ECM2: variants seen among roughly 807,000 people sequenced by gnomAD.
The protein encoded by ECM2 is extracellular matrix protein 2.
In ECM2, 57 loss-of-function variants were observed where a neutral mutation model predicts 67.5. That is an observed-to-expected ratio of 0.84 (90% CI 0.68 to 1.05). ECM2 has a LOEUF of 1.05. ECM2 is among the 50% of genes least tolerant of loss of function. The pLI is 0.00. For synonymous variants in ECM2, 258 were observed against 294.5 expected (o/e 0.88, Z 1.27); for missense variants, 741 against 822.8 (o/e 0.90, Z 1.22).
intron 1 of ECM2, among the ~76,000 whole-genome samples, chr9:92,524,703 C>T (rs908291914): frequency 3.3e-5 from 5 of 152,146 alleles, no homozygotes; most frequent in African/African-American, 4.8e-5. Flanking sequence ...AAACTAAAAC[C>T]CCAGGGATCA....
upstream of ECM2, among the ~76,000 whole-genome samples, chr9:92,538,719 C>T (rs1173760389): frequency 1.3e-5 from 2 of 152,154 alleles, no homozygotes; most frequent in African/African-American, 4.8e-5. Flanking sequence ...CTCCTACCCC[C>T]TTTATTATTG....
rs773334568 is a variant in ECM2, at chr9:92,517,817, C to T, written c.351G>A (p.Ser117=). The T allele has an allele frequency of 8.8e-5, 142 of 1,614,024 alleles. No individual in the cohort carries two copies. The highest frequency in any genetic ancestry group is 1.2e-4 in the Non-Finnish European group (137 of 1,180,036). The change falls in exon 3 of 10, where the codon TCG becomes TCA. Residue 117 remains serine (S), a synonymous_variant. Coordinates refer to ENST00000344604, the MANE Select transcript of ECM2 (RefSeq NM_001393.4). ...AGAGGCAGGTAGTGCAGGGCTCAGG[C>T]GACCACACAGCTTTGTTGTACATGG... ...GITMYNKAVW[S]PEPCTTCLCS... is the part of the protein sequence containing the mutation.
In ECM2 at chr9:92,514,721, G is replaced by A; in HGVS notation, c.964C>T (p.Leu322=). 6.2e-7 allele frequency: 1 copy of A among 1,607,866 alleles called. No homozygotes were observed. The highest frequency in any genetic ancestry group is 1.3e-5 in the African/African-American group (1 of 75,010). Residue 322 remains leucine, a synonymous_variant, in exon 4 of 10, where the codon CTG becomes TTG. Transcript: ENST00000344604. ...GTLRLPSGCS[L]SYRTISCINA... ...ATGCAGCTGATGGTCCTGTAGGACA[G>A]AGAGCACCCGCTTGGCAGGCGCAGT...
At chr9:92,498,876 T>G (rs142996290) in intron 9 of ECM2, among the ~76,000 whole-genome samples, 2 of 152,328 alleles carry the variant, frequency 1.3e-5, no homozygotes, top group East Asian at 3.9e-4. Context: ...AATATTCAAT[T>G]ATGTTAAATT....
At position 92,508,172 on chromosome 9, in the gene ECM2, T is replaced by C. The variant is rs200115147; in HGVS notation, c.1306+1727A>G. On this transcript the variant is annotated intron_variant, in intron 6 of 9. Coordinates refer to ENST00000344604, the MANE Select transcript of ECM2 (RefSeq NM_001393.4). The stretch of plus-strand genomic sequence containing the variant: ...GCCTGACCATCCACAGCATCAGGAC[T>C]CCCAGCCAGGGGGAGCCCAGCACCC... Among the ~76,000 whole-genome samples the C allele has an allele frequency of 7.4e-3, 1,122 of 152,244 alleles. 14 individuals are homozygous for C. The highest frequency in any genetic ancestry group is 0.025 in the African/African-American group (1,043 of 41,540).
intron 1 of ECM2, among the ~76,000 whole-genome samples, chr9:92,533,295 G>T (rs1206263691): frequency 2.8e-5 from 2 of 70,222 alleles, no homozygotes; most frequent in Non-Finnish European, 5.1e-5. Flanking sequence ...GTGAGACTCG[G>T]TCTCAAACAA....
chr9:92,550,224 C>T, the ECM2 span, among the ~76,000 whole-genome samples: 3 of 152,098 alleles, frequency 2.0e-5, no homozygotes, highest in African/African-American at 4.8e-5. Context: ...GGCGAAACCC[C>T]GTCTCTACTA....
chr9:92,515,205 T>C lies in ECM2; in HGVS notation c.482-2A>G. 1 of 1,551,956 alleles carries C rather than the reference T, an allele frequency of 6.4e-7. No homozygotes were observed. Among genetic ancestry groups the C allele is most frequent in the South Asian group, 1.3e-5 (1 of 79,094 alleles). On this transcript the variant is annotated splice_acceptor_variant, in intron 3 of 9. Transcript: ENST00000344604. LOFTEE classifies it high-confidence loss of function. ...TACCACTGAGTAGAGAATAGGAGACTAATGACCACGCAAGGATGAGGTAGC... is the reference window on the plus strand; with the variant it reads ...TACCACTGAGTAGAGAATAGGAGACCAATGACCACGCAAGGATGAGGTAGC...
intron 3 of ECM2, among the ~76,000 whole-genome samples, chr9:92,515,489 A>G (rs1047901618): frequency 3.9e-5 from 6 of 152,174 alleles, no homozygotes; most frequent in Non-Finnish European, 8.8e-5. Context: ...CCTGGTGACT[A>G]AGGAGGGAAT....
At chr9:92,533,276 G>A (rs992017053) in intron 1 of ECM2, among the ~76,000 whole-genome samples, 17 of 128,970 alleles carry the variant, frequency 1.3e-4, no homozygotes, top group Admixed American at 3.5e-4. Context: ...CCCCAGCCTG[G>A]GCGATAGAGT....
intron 1 of ECM2, among the ~76,000 whole-genome samples, chr9:92,529,232 A>G (rs781652819): frequency 1.3e-5 from 2 of 152,248 alleles, no homozygotes; most frequent in African/African-American, 2.4e-5. Context: ...CAAAAATAGT[A>G]GACAGATTAC....
chr9:92,558,880 C>T, the ECM2 span, among the ~76,000 whole-genome samples: 1 of 152,048 alleles, frequency 6.6e-6, no homozygotes, highest in Admixed American at 6.6e-5. Context: ...ATGGCTTCCT[C>T]TGCTGAGTCA....
chr9:92,550,138 C>T, the ECM2 span, among the ~76,000 whole-genome samples: 1 of 152,152 alleles, frequency 6.6e-6, no homozygotes, highest in African/African-American at 2.4e-5. Context: ...TGGCTCACGC[C>T]TACAATCCTA....
At chr9:92,524,439 C>T (rs1047159083) in intron 1 of ECM2, among the ~76,000 whole-genome samples, 1 of 152,164 alleles carries the variant, frequency 6.6e-6, no homozygotes, top group Non-Finnish European at 1.5e-5. Context: ...ACAAGAGAAA[C>T]CTCCATCAAG....
the ECM2 span, among the ~76,000 whole-genome samples, chr9:92,544,606 C>G: frequency 6.7e-6 from 1 of 149,896 alleles, no homozygotes; most frequent in African/African-American, 2.4e-5. Flanking sequence ...CAAAGTTGTT[C>G]TTTAAAAAAC....
chr9:92,551,172 C>G, the ECM2 span, among the ~76,000 whole-genome samples: 1 of 152,054 alleles, frequency 6.6e-6, no homozygotes, highest in Non-Finnish European at 1.5e-5. Context: ...CCCCTCTTGT[C>G]CAGGTTTAAG....
chr9:92,544,129 C>G, the ECM2 span, among the ~76,000 whole-genome samples: 2 of 152,128 alleles, frequency 1.3e-5, no homozygotes, highest in Non-Finnish European at 2.9e-5. Flanking sequence ...AGAAGAAATG[C>G]TTTCAGCTTT....
chr9:92,552,685 T>C, the ECM2 span, among the ~76,000 whole-genome samples: 1 of 152,292 alleles, frequency 6.6e-6, no homozygotes, highest in East Asian at 1.9e-4. Flanking sequence ...CACTTTTTGA[T>C]AGGATTGTTT....
chr9:92,543,983 A>G, the ECM2 span, among the ~76,000 whole-genome samples: 4 of 152,214 alleles, frequency 2.6e-5, no homozygotes, highest in African/African-American at 9.6e-5. Flanking sequence ...CTGCAAACAG[A>G]GAAAATGTAC....
Sources: gnomAD v4.1 joint callset for allele counts (sites outside exome capture counted in the v4.1 genomes callset) on GRCh38, gnomAD v4.1.1 for gene constraint, MANE v1.5 for transcripts, NCBI Gene and HGNC (gene_info 2026-07-23, HGNC 2026-07-21) for gene names.